ZNRF2: variants seen among roughly 807,000 people sequenced by gnomAD.
ZNRF2 encodes the protein E3 ubiquitin-protein ligase ZNRF2.
Under a neutral mutation model 20.4 loss-of-function variants are expected in ZNRF2, and 16 were observed. That is an observed-to-expected ratio of 0.79 (90% CI 0.53 to 1.19). The LOEUF is 1.19. ZNRF2 is among the 50% of genes most tolerant of loss of function. The pLI, the probability that ZNRF2 is intolerant of heterozygous loss-of-function variation, is 0.00. For synonymous variants in ZNRF2, 178 were observed against 144.9 expected, an observed-to-expected ratio of 1.23 and a Z score of -1.64; for missense variants, 363 against 332.4, an observed-to-expected ratio of 1.09 and a Z score of -0.72.
chr7:30,285,347 G>A lies in ZNRF2; in HGVS notation c.-11G>A, dbSNP rs763204195. 1.7e-6 allele frequency: 2 copies of A among 1,147,058 alleles called. No homozygotes were observed. The highest frequency in any genetic ancestry group is 2.1e-6 in the Non-Finnish European group (2 of 931,354). 71.1% of individuals were successfully genotyped at this position (1,147,058 alleles called of 1,614,324 possible). ...GCGCAGCGCGCGGGCCCGGCCCGGG[G>A]CAGGGCGGACATGGGCGCCAAACAG... On this transcript the variant is annotated 5_prime_UTR_variant, in exon 1 of 5. Transcript: ENST00000323037.
chr7:30,293,598 G>T (rs545873093), intron 1 of ZNRF2, among the ~76,000 whole-genome samples: 2 of 152,260 alleles, frequency 1.3e-5, no homozygotes, highest in African/African-American at 4.8e-5. Context: ...ATACACTTTT[G>T]TTCAAGGCAT....
chr7:30,335,205 G>A (rs981748848), intron 2 of ZNRF2, among the ~76,000 whole-genome samples: 2 of 151,886 alleles, frequency 1.3e-5, no homozygotes, highest in Non-Finnish European at 2.9e-5. Context: ...CTTTATATTA[G>A]CCCTGCCTTT....
chr7:30,322,674 A>G (rs1799490726), intron 1 of ZNRF2, among the ~76,000 whole-genome samples: 1 of 152,216 alleles, frequency 6.6e-6, no homozygotes, highest in Admixed American at 6.5e-5. Flanking sequence ...TCCAAAAAAA[A>G]AAAAAATTGA....
chr7:30,291,789 T>C (rs958258254), intron 1 of ZNRF2, among the ~76,000 whole-genome samples: 7 of 151,932 alleles, frequency 4.6e-5, no homozygotes, highest in Admixed American at 4.6e-4. Context: ...TATAAATGAA[T>C]CCAGAAAGTG....
Position 30,367,444 on chromosome 7 carries a change from A to C in ZNRF2, c.*1432A>C, listed in dbSNP as rs1800233621. Reference sequence around the variant, plus strand: ...TATCAGTGAATAGGTGGTGTACTTTACTTGGTATAATTTAAAGTTGCACAG... The same window carrying C: ...TATCAGTGAATAGGTGGTGTACTTTCCTTGGTATAATTTAAAGTTGCACAG... On this transcript the variant is annotated 3_prime_UTR_variant, in exon 5 of 5. Coordinates refer to ENST00000323037, the MANE Select transcript of ZNRF2 (RefSeq NM_147128.4). The C allele has an allele frequency of 6.6e-6, 1 of 152,306 alleles. No homozygotes were observed. Among genetic ancestry groups the C allele is most frequent in the South Asian group, 2.1e-4 (1 of 4,824 alleles). 9.4% of individuals were successfully genotyped at this position (152,306 alleles called of 1,614,324 possible).
chr7:30,296,061 T>C (rs1799015219), intron 1 of ZNRF2, among the ~76,000 whole-genome samples: 1 of 152,214 alleles, frequency 6.6e-6, no homozygotes, highest in Non-Finnish European at 1.5e-5. Flanking sequence ...TTTGTAAATA[T>C]TGAATGTTTC....
Position 30,318,983 on chromosome 7 carries a change from G to A in ZNRF2, c.470-4659G>A, listed in dbSNP as rs922763005. Among the ~76,000 whole-genome samples the A allele has an allele frequency of 2.0e-5, 3 of 151,968 alleles. No individual in the cohort carries two copies. In the South Asian group the frequency reaches 6.2e-4, roughly 32 times the overall value. ...AAAAATTAGCTGGGTGTGGTGGTGC[G>A]TGCCTGTAATCCCAGCTACTCGGGA... On this transcript the variant is annotated intron_variant, in intron 1 of 4. Coordinates refer to ENST00000323037, the MANE Select transcript of ZNRF2 (RefSeq NM_147128.4).
rs900750874 is a variant in ZNRF2, at chr7:30,367,231, CTT to C, written c.*1222_*1223del. The C allele has an allele frequency of 6.6e-6, 1 of 152,358 alleles. No individual in the cohort carries two copies. Among genetic ancestry groups the C allele is most frequent in the Non-Finnish European group, 1.5e-5 (1 of 67,892 alleles). The allele number at this position is 152,358 out of a possible 1,614,324, so 9.4% of individuals were successfully genotyped here. A position where few individuals can be genotyped will look rare whatever the true frequency, so the allele number is the denominator to read the frequency against. On this transcript the variant is annotated 3_prime_UTR_variant, in exon 5 of 5. Transcript: ENST00000323037. The stretch of plus-strand genomic sequence containing the variant: ...ACTGTAATTGAAAATGTTATAGACA[CTT>C]TTAAATTCAGTTTGTGTAGAAAGAA...
chr7:30,302,115 T>A (rs1197105170), intron 1 of ZNRF2, among the ~76,000 whole-genome samples: 2 of 152,246 alleles, frequency 1.3e-5, no homozygotes, highest in Non-Finnish European at 2.9e-5. Flanking sequence ...CTGCTTTTGC[T>A]CTGTGTCCAT....
intron 1 of ZNRF2, among the ~76,000 whole-genome samples, chr7:30,321,466 T>A (rs1799468282): frequency 6.6e-6 from 1 of 152,150 alleles, no homozygotes; most frequent in Non-Finnish European, 1.5e-5. Context: ...AAATATTATT[T>A]ATTTTCATTT....
chr7:30,295,475 C>T (rs977806111), intron 1 of ZNRF2, among the ~76,000 whole-genome samples: 3 of 152,104 alleles, frequency 2.0e-5, no homozygotes, highest in East Asian at 1.9e-4. Flanking sequence ...CTCTGGGAGA[C>T]GGACGGGGGC....
At chr7:30,307,326 GTTTTTTTTT>G (rs78007797) in intron 1 of ZNRF2, among the ~76,000 whole-genome samples, 35 of 43,240 alleles carry the variant, frequency 8.1e-4, no homozygotes, top group Admixed American at 4.5e-3. Flanking sequence ...GTTTTTTTTT[GTTTTTTTTT>G]TTTTTTTTTT....
intron 3 of ZNRF2, among the ~76,000 whole-genome samples, chr7:30,357,277 G>A (rs768051439): frequency 5.3e-5 from 8 of 152,154 alleles, no homozygotes; most frequent in Non-Finnish European, 7.4e-5. Context: ...GCAAATCGCA[G>A]CAAAGTACAA....
In ZNRF2 at chr7:30,366,200, G is replaced by C. The variant is rs1800212734; in HGVS notation, c.*188G>C. The C allele has an allele frequency of 6.6e-6, 1 of 152,564 alleles. No individual in the cohort carries two copies. The highest frequency in any genetic ancestry group is 1.5e-5 in the Non-Finnish European group (1 of 68,016). The allele number at this position is 152,564 out of a possible 1,614,324, so 9.5% of individuals were successfully genotyped here. The stretch of plus-strand genomic sequence containing the variant: ...GGTAAAAAAACCCTGCTGAAGAGAG[G>C]ACAGTGACCACAGAACTCAGTGTAC... On this transcript the variant is annotated 3_prime_UTR_variant, in exon 5 of 5. Transcript: ENST00000323037.
chr7:30,304,490 A>G (rs1799169885), intron 1 of ZNRF2, among the ~76,000 whole-genome samples: 1 of 152,184 alleles, frequency 6.6e-6, no homozygotes, highest in Non-Finnish European at 1.5e-5. Flanking sequence ...AATGCAAATT[A>G]TTTTGGTCTT....
chr7:30,322,211 A>G (rs1799481685), intron 1 of ZNRF2, among the ~76,000 whole-genome samples: 1 of 152,214 alleles, frequency 6.6e-6, no homozygotes, highest in African/African-American at 2.4e-5. Flanking sequence ...CATGTACTAC[A>G]GTTTGAAAAA....
chr7:30,318,991 A>C (rs1356877165), intron 1 of ZNRF2, among the ~76,000 whole-genome samples: 1 of 152,142 alleles, frequency 6.6e-6, no homozygotes, highest in Admixed American at 6.5e-5. Flanking sequence ...GCGTGCCTGT[A>C]ATCCCAGCTA....
At chr7:30,355,250 A>G (rs1272838681) in intron 2 of ZNRF2, among the ~76,000 whole-genome samples, 2 of 152,108 alleles carry the variant, frequency 1.3e-5, no homozygotes, top group Non-Finnish European at 2.9e-5. Context: ...TGAGTTAAGC[A>G]ACTTTTTAAA....
rs187072418 is a variant in ZNRF2, at chr7:30,290,991, C to G, written c.469+5165C>G. Among the ~76,000 whole-genome samples, 38 of 152,276 alleles carry G rather than the reference C, an allele frequency of 2.5e-4. No individual in the cohort carries two copies. The East Asian group carries it at 6.9e-3, about 28-fold the overall frequency. On this transcript the variant is annotated intron_variant, in intron 1 of 4. Coordinates refer to ENST00000323037, the MANE Select transcript of ZNRF2 (RefSeq NM_147128.4). ...TGATCATTATACAATGCAACAAATT[C>G]TGTAATAGAACTGTTAACAAAACAC...
Sources: gnomAD v4.1 joint callset for allele counts (sites outside exome capture counted in the v4.1 genomes callset) on GRCh38, gnomAD v4.1.1 for gene constraint, MANE v1.5 for transcripts, NCBI Gene and HGNC (gene_info 2026-07-23, HGNC 2026-07-21) for gene names.